DAB1: variants seen among roughly 807,000 people sequenced by gnomAD.
The protein encoded by DAB1 is DAB adaptor protein 1.
In DAB1, 15 loss-of-function variants were observed where a neutral mutation model predicts 64.6. The observed-to-expected ratio is 0.23, with a 90% confidence interval of 0.16 to 0.36. The LOEUF (loss-of-function observed/expected upper bound fraction) is 0.36. DAB1 is among the 10% of genes least tolerant of loss of function. The pLI is 1.00. For synonymous variants in DAB1, 235 were observed against 251.9 expected (o/e 0.93, Z 0.64); for missense variants, 596 against 706.7 (o/e 0.84, Z 1.78).
chr1:57,795,534 T>C (rs1650804762), intron 6 of DAB1, among the ~76,000 whole-genome samples: 1 of 151,518 alleles, frequency 6.6e-6, no homozygotes, highest in Non-Finnish European at 1.5e-5. Context: ...AGTGTAATTA[T>C]TATACATTTT....
At chr1:58,289,862 A>T (rs2100448727) in intron 4 of DAB1, among the ~76,000 whole-genome samples, 1 of 152,332 alleles carries the variant, frequency 6.6e-6, no homozygotes, top group African/African-American at 2.4e-5. Flanking sequence ...TACCCAAAAG[A>T]TGGCCCACAG....
chr1:58,159,622 T>C (rs972678261), intron 4 of DAB1, among the ~76,000 whole-genome samples: 27 of 152,338 alleles, frequency 1.8e-4, no homozygotes, highest in African/African-American at 5.0e-4. Flanking sequence ...AGTCTTCTCA[T>C]TGGTCATCAC....
intron 2 of DAB1, among the ~76,000 whole-genome samples, chr1:57,176,836 G>A (rs61767500): frequency 0.01 from 1,567 of 151,794 alleles, 26 homozygotes; most frequent in East Asian, 0.078. Flanking sequence ...ATGAGGAAGC[G>A]GTTTATCTAT....
chr1:57,569,506 C>T (rs1645167049), intron 7 of DAB1, among the ~76,000 whole-genome samples: 1 of 151,480 alleles, frequency 6.6e-6, no homozygotes, highest in African/African-American at 2.4e-5. Flanking sequence ...GACAAAAAAC[C>T]AAACACCGCA....
intron 1 of DAB1, among the ~76,000 whole-genome samples, chr1:57,341,745 G>A (rs377082350): frequency 4.9e-4 from 75 of 152,114 alleles, no homozygotes; most frequent in African/African-American, 1.8e-3. Flanking sequence ...AGAGTACACA[G>A]GTCCCCCGAA....
In DAB1 at chr1:57,069,315, G is replaced by A. The variant is rs1305882820; in HGVS notation, c.663+45C>T. 1.3e-5 allele frequency: 18 copies of A among 1,427,608 alleles called. 1 individual carries two copies. The South Asian group carries it at 1.7e-4, about 14-fold the overall frequency. 88.4% of individuals were successfully genotyped at this position (1,427,608 alleles called of 1,614,324 possible). On this transcript the variant is annotated intron_variant, in intron 8 of 14. Transcript: ENST00000371236. ...TTAGACTATCAGTACATTTATGCAT[G>A]TACTAGTAGTGGTGCAATGGTAAGA...
chr1:57,720,721 A>C (rs936381274), intron 6 of DAB1, among the ~76,000 whole-genome samples: 2 of 152,122 alleles, frequency 1.3e-5, no homozygotes, highest in Non-Finnish European at 2.9e-5. Flanking sequence ...TTATTTATTT[A>C]TTTATTTTTC....
chr1:58,411,843 A>G (rs977791560), intron 3 of DAB1, among the ~76,000 whole-genome samples: 1 of 152,012 alleles, frequency 6.6e-6, no homozygotes, highest in Non-Finnish European at 1.5e-5. Context: ...TTATCTCTCT[A>G]TTTTGTACAC....
intron 3 of DAB1, among the ~76,000 whole-genome samples, chr1:58,456,644 A>C (rs1645195705): frequency 1.3e-5 from 2 of 152,216 alleles, no homozygotes; most frequent in Admixed American, 1.3e-4. Context: ...CCAGAAAGCA[A>C]GGTTTGCAGA....
At chr1:57,974,556 C>T (rs1645874637) in intron 5 of DAB1, among the ~76,000 whole-genome samples, 1 of 151,846 alleles carries the variant, frequency 6.6e-6, no homozygotes, top group African/African-American at 2.4e-5. Context: ...CTTAGACATC[C>T]TGAATTGGAA....
chr1:58,149,793 C>A (rs2100730490), intron 5 of DAB1, among the ~76,000 whole-genome samples: 1 of 152,284 alleles, frequency 6.6e-6, no homozygotes, highest in East Asian at 1.9e-4. Context: ...ATTTTTGCAG[C>A]CTTTCACTGA....
intron 2 of DAB1, among the ~76,000 whole-genome samples, chr1:57,244,955 C>A (rs1668754163): frequency 6.6e-6 from 1 of 152,036 alleles, no homozygotes; most frequent in African/African-American, 2.4e-5. Context: ...GAGGTGATAA[C>A]CTGAAAATGT....
chr1:57,991,591 T>C (rs1324957617), intron 5 of DAB1, among the ~76,000 whole-genome samples: 1 of 152,072 alleles, frequency 6.6e-6, no homozygotes, highest in Non-Finnish European at 1.5e-5. Context: ...TTGATGCCTG[T>C]AATCCTAGCA....
intron 9 of DAB1, among the ~76,000 whole-genome samples, chr1:57,044,428 G>C (rs1056159922): frequency 6.6e-6 from 1 of 152,202 alleles, no homozygotes; most frequent in Non-Finnish European, 1.5e-5. Flanking sequence ...CAGTATTACA[G>C]AAACTATAAA....
intron 7 of DAB1, among the ~76,000 whole-genome samples, chr1:57,498,451 C>T (rs938699812): frequency 5.3e-5 from 8 of 152,024 alleles, no homozygotes; most frequent in African/African-American, 1.9e-4. Context: ...ACTGAGAAAA[C>T]CTGAAGAAAT....
At chr1:57,598,233 C>T (rs527886373) in intron 7 of DAB1, among the ~76,000 whole-genome samples, 39 of 152,362 alleles carry the variant, frequency 2.6e-4, no homozygotes, top group African/African-American at 4.3e-4. Context: ...CCACCCGCCT[C>T]GGCCTCCCAA....
intron 4 of DAB1, among the ~76,000 whole-genome samples, chr1:57,121,276 C>T (rs1435922373): frequency 1.3e-5 from 2 of 151,972 alleles, no homozygotes; most frequent in Admixed American, 6.6e-5. Context: ...GTGCAAAGAA[C>T]ATATTTGCTA....
chr1:57,364,638 A>T (rs568796828), intron 1 of DAB1, among the ~76,000 whole-genome samples: 187 of 152,218 alleles, frequency 1.2e-3, no homozygotes, highest in African/African-American at 4.3e-3. Flanking sequence ...AAAAAACTGG[A>T]TATTAGCCAA....
At chr1:57,736,636 A>T (rs941863647) in intron 6 of DAB1, among the ~76,000 whole-genome samples, 2 of 152,110 alleles carry the variant, frequency 1.3e-5, no homozygotes, top group African/African-American at 4.8e-5. Context: ...GACCTGCATT[A>T]TTATTATTTT....
Sources: allele counts gnomAD v4.1 joint callset (sites outside exome capture counted in the v4.1 genomes callset), GRCh38; gene constraint gnomAD v4.1.1; transcripts MANE v1.5; gene names NCBI Gene and HGNC (gene_info 2026-07-23, HGNC 2026-07-21).